The following GRHL3 variants were observed in gnomAD, a reference collection of about 807,000 sequenced individuals.
GRHL3 encodes grainyhead like transcription factor 3.
In GRHL3, 20 loss-of-function variants were observed where a neutral mutation model predicts 70.3. The observed-to-expected ratio is 0.28, with a 90% CI of 0.20 to 0.41. GRHL3 has a LOEUF of 0.41. Ranked by LOEUF, GRHL3 falls within the 10% of genes least tolerant of loss-of-function variation. The pLI, the probability that GRHL3 is intolerant of heterozygous loss-of-function variation, is 1.00. For missense variants in GRHL3, 637 were observed against 762.3 expected, an observed-to-expected ratio of 0.84 and a Z score of 1.94; for synonymous variants, 299 against 299.9, an observed-to-expected ratio of 1.00 and a Z score of 0.03.
chr1:24,341,352 G>A lies in GRHL3; in HGVS notation c.1048-763G>A, dbSNP rs374976238. On this transcript the variant is annotated intron_variant, in intron 8 of 15. Coordinates refer to ENST00000361548, the MANE Select transcript of GRHL3 (RefSeq NM_198173.3). ...TCCTCATTCTGCAGACAAGGAAACC[G>A]AGGCTCAGTGAGGTGAAAGGATTTG... 2.5e-4 allele frequency among the ~76,000 whole-genome samples: 38 copies of A among 152,302 alleles called. No individual in the cohort carries two copies. In the East Asian group the frequency reaches 4.6e-3, roughly 19 times the overall value.
Position 24,342,551 on chromosome 1 carries a change from C to T in GRHL3, c.1207-143C>T. 1.1e-6 allele frequency: 1 copy of T among 872,730 alleles called. No individual in the cohort carries two copies. The highest frequency in any genetic ancestry group is 1.9e-6 in the Non-Finnish European group (1 of 537,056). 54.1% of individuals were successfully genotyped at this position (872,730 alleles called of 1,614,324 possible). On this transcript the variant is annotated intron_variant, in intron 9 of 15. Coordinates refer to ENST00000361548, the MANE Select transcript of GRHL3 (RefSeq NM_198173.3). The surrounding 1 kb of genome is among the most constrained non-coding windows in gnomAD (Gnocchi z 4.8). ...CTGGCCAGGCTGGGCCAGGTAAGTG[C>T]TGGTACCTTCCCATTTCCTGGTCTT...
intron 12 of GRHL3, among the ~76,000 whole-genome samples, chr1:24,346,067 C>T (rs149955542): frequency 2.1e-3 from 312 of 152,136 alleles, no homozygotes; most frequent in East Asian, 5.0e-3. Flanking sequence ...TGAAAGTCAC[C>T]GCAGCAGGAC....
chr1:24,319,521 G>A lies in GRHL3; in HGVS notation c.-31G>A. 6.3e-7 allele frequency: 1 copy of A among 1,595,354 alleles called. No homozygotes were observed. The highest frequency in any genetic ancestry group is 2.2e-5 in the East Asian group (1 of 44,784). The stretch of plus-strand genomic sequence containing the variant: ...GAGACAAGCGGTCAGCAGAGCCTCA[G>A]TGCTGATCGTCGGAGCTTGGGAGCA... On this transcript the variant is annotated 5_prime_UTR_variant, in exon 1 of 16. It adds an upstream start codon to the 5' untranslated region. Coordinates refer to ENST00000361548, the MANE Select transcript of GRHL3 (RefSeq NM_198173.3).
In GRHL3 at chr1:24,334,461, T is replaced by C. The variant is rs1639720593; in HGVS notation, c.205-184T>C. Among the ~76,000 whole-genome samples the C allele has an allele frequency of 6.6e-6, 1 of 152,082 alleles. No individual in the cohort carries two copies. Among genetic ancestry groups the C allele is most frequent in the South Asian group, 2.1e-4 (1 of 4,818 alleles). Reference sequence around the variant, plus strand: ...AGCATGGGAGTAACCACCCCCATCATGCAATTACCTCCCACTCCCATGTGA... The same window carrying C: ...AGCATGGGAGTAACCACCCCCATCACGCAATTACCTCCCACTCCCATGTGA... On this transcript the variant is annotated intron_variant, in intron 2 of 15. Transcript: ENST00000361548. This position sits in a 1 kb window ranked among gnomAD's most constrained non-coding sequence, Gnocchi z 4.3.
chr1:24,333,253 G>C (rs1366659713), intron 2 of GRHL3, among the ~76,000 whole-genome samples: 1 of 152,216 alleles, frequency 6.6e-6, no homozygotes, highest in Non-Finnish European at 1.5e-5. Context: ...GACATGGTCT[G>C]ATGGTGTGGA....
intron 2 of GRHL3, among the ~76,000 whole-genome samples, chr1:24,333,558 G>A (rs1467878418): frequency 6.6e-6 from 1 of 152,150 alleles, no homozygotes; most frequent in Non-Finnish European, 1.5e-5. Context: ...CTCTCCATGT[G>A]CTAGGTGCTA....
intron 11 of GRHL3, 88 bp from the exon 12 acceptor site, chr1:24,344,809 A>G: frequency 4.0e-6 from 6 of 1,497,930 alleles, no homozygotes; most frequent in Admixed American, 1.7e-5. Flanking sequence ...TCCCACCAAA[A>G]ATATTCCTCC....
At chr1:24,326,340 C>CA (rs1639385526) in intron 1 of GRHL3, among the ~76,000 whole-genome samples, 1 of 151,586 alleles carries the variant, frequency 6.6e-6, no homozygotes, top group Non-Finnish European at 1.5e-5. Context: ...TCTCCCTCTT[C>CA]CCCTCCACCC....
intron 4 of GRHL3, 51 bp from the exon 5 acceptor site, chr1:24,337,027 T>C: frequency 6.4e-7 from 1 of 1,560,784 alleles, no homozygotes; most frequent in Non-Finnish European, 8.8e-7. Flanking sequence ...GGCTGAGGCT[T>C]CCCAGAGTGA....
chr1:24,348,794 C>CT (rs1480989324), intron 14 of GRHL3, among the ~76,000 whole-genome samples: 1 of 152,224 alleles, frequency 6.6e-6, no homozygotes, highest in Non-Finnish European at 1.5e-5. Context: ...AAATAGTCGT[C>CT]TAAGAACTCT....
rs1195424096 is a variant in GRHL3 at position 24,342,860 on chromosome 1, C to T, written c.1286-32C>T. 1 of 1,614,108 alleles carries T rather than the reference C, an allele frequency of 6.2e-7. No individual in the cohort carries two copies. The highest frequency in any genetic ancestry group is 1.3e-5 in the African/African-American group (1 of 75,026). ...GTGGGAGGGACTTGAGTGGAGGGAC[C>T]TCGGGGCACATTGGCTTCCTTCTCC... On this transcript the variant is annotated intron_variant, in intron 10 of 15. Coordinates refer to ENST00000361548, the MANE Select transcript of GRHL3 (RefSeq NM_198173.3). The surrounding 1 kb of genome is among the most constrained non-coding windows in gnomAD (Gnocchi z 4.8).
At chr1:24,333,668 G>A (rs1182528721) in intron 2 of GRHL3, among the ~76,000 whole-genome samples, 3 of 152,092 alleles carry the variant, frequency 2.0e-5, no homozygotes, top group Non-Finnish European at 4.4e-5. Flanking sequence ...CTTGTGTAAG[G>A]TCACACAGCT....
At chr1:24,325,301 T>C (rs1639350237) in intron 1 of GRHL3, among the ~76,000 whole-genome samples, 1 of 152,190 alleles carries the variant, frequency 6.6e-6, no homozygotes, top group Non-Finnish European at 1.5e-5. Context: ...TGTTGGGTTT[T>C]CTTCCCACCT....
At chr1:24,363,223 G>A (rs1209254990) in intron 15 of GRHL3, among the ~76,000 whole-genome samples, 1 of 152,232 alleles carries the variant, frequency 6.6e-6, no homozygotes, top group Admixed American at 6.5e-5. Context: ...ACTCACCAGT[G>A]TTCTTGGCAA....
At chr1:24,333,905 A>G (rs1639699868) in intron 2 of GRHL3, among the ~76,000 whole-genome samples, 2 of 152,224 alleles carry the variant, frequency 1.3e-5, no homozygotes, top group African/African-American at 4.8e-5. Flanking sequence ...AGTATTTTTT[A>G]TTAACAAATA....
downstream of GRHL3, among the ~76,000 whole-genome samples, chr1:24,356,845 C>T (rs1346223602): frequency 6.6e-6 from 1 of 152,144 alleles, no homozygotes; most frequent in African/African-American, 2.4e-5. Context: ...CTGAGTAAAA[C>T]TTTTTTTAAA....
Position 24,342,523 on chromosome 1 carries a change from C to T in GRHL3, c.1207-171C>T, listed in dbSNP as rs1161541889. ...GACCTCAGGCAAGCAGGGCCAGGCC[C>T]CACTGGCCAGGCTGGGCCAGGTAAG... On this transcript the variant is annotated intron_variant, in intron 9 of 15. Coordinates refer to ENST00000361548, the MANE Select transcript of GRHL3 (RefSeq NM_198173.3). The surrounding 1 kb of genome is among the most constrained non-coding windows in gnomAD (Gnocchi z 4.8). Among the ~76,000 whole-genome samples the T allele has an allele frequency of 1.3e-5, 2 of 152,216 alleles. No individual in the cohort carries two copies. The highest frequency in any genetic ancestry group is 2.9e-5 in the Non-Finnish European group (2 of 68,050).
chr1:24,349,608 C>T (rs1158853178), intron 14 of GRHL3, among the ~76,000 whole-genome samples: 4 of 152,330 alleles, frequency 2.6e-5, no homozygotes, highest in African/African-American at 7.2e-5. Flanking sequence ...GTAGCTTGCA[C>T]GAGGCCAGCC....
At position 24,354,442 on chromosome 1, in the gene GRHL3, TG is replaced by T. The variant is rs1557707937; in HGVS notation, c.1768del (p.Glu590SerfsTer52). The T allele has an allele frequency of 6.2e-7, 1 of 1,613,822 alleles. No homozygotes were observed. Reference protein sequence around the residue: ...YSNHVAFLLDMGELDGKIQII... With the variant: ...YSNHVAFLLDXGELDGKIQII... ...AACCACGTCGCCTTCCTGCTGGACA[TG>T]GGGGAGCTGGACGGCAAAATTCAGA... On this transcript the variant is annotated frameshift_variant, in exon 16 of 16. Coordinates refer to ENST00000361548, the MANE Select transcript of GRHL3 (RefSeq NM_198173.3). LOFTEE classifies it high-confidence loss of function.
Sources: gnomAD v4.1 joint callset for allele counts (sites outside exome capture counted in the v4.1 genomes callset) on GRCh38, gnomAD v4.1.1 for gene constraint, Gnocchi (gnomAD v3.1) non-coding constraint, MANE v1.5 for transcripts, NCBI Gene and HGNC (gene_info 2026-07-23, HGNC 2026-07-21) for gene names.